The following PRICKLE2 variants were observed in gnomAD, a reference collection of about 807,000 sequenced individuals.
PRICKLE2 encodes the protein prickle planar cell polarity protein 2.
Under a neutral mutation model 81.4 loss-of-function variants are expected in PRICKLE2, and 21 were observed. That is an observed-to-expected ratio of 0.26 (90% confidence interval 0.18 to 0.37). The LOEUF is 0.37. Ranked by LOEUF, PRICKLE2 falls within the 10% of genes least tolerant of loss-of-function variation. PRICKLE2 has a pLI of 1.00. For synonymous variants in PRICKLE2, 456 were observed against 421.5 expected (o/e 1.08, Z -1.00); for missense variants, 940 against 1,109.0 (o/e 0.85, Z 2.16).
At chr3:64,110,684 G>C (rs377320543) in intron 7 of PRICKLE2, among the ~76,000 whole-genome samples, 1 of 152,082 alleles carries the variant, frequency 6.6e-6, no homozygotes, top group Non-Finnish European at 1.5e-5. Context: ...CAGGCAGAGG[G>C]AGCAAGAATA....
chr3:64,109,644 G>A (rs1024394313), intron 7 of PRICKLE2, among the ~76,000 whole-genome samples: 3 of 152,212 alleles, frequency 2.0e-5, no homozygotes, highest in African/African-American at 7.2e-5. Context: ...CCCACCCCCA[G>A]GCTTGGCCTG....
In PRICKLE2 at chr3:64,225,019, A is replaced by C; in HGVS notation, c.-150T>G. On this transcript the variant is annotated 5_prime_UTR_variant, in exon 1 of 8. Transcript: ENST00000638394. ...CCTGGATCTGACTTCTAAGAACGCA[A>C]GCAGGACCTCAGGCAGCCAAAGCAT... 2.0e-6 allele frequency: 2 copies of C among 985,408 alleles called. No homozygotes were observed. Among genetic ancestry groups the C allele is most frequent in the Non-Finnish European group, 2.4e-6 (2 of 830,048 alleles). The allele number at this position is 985,408 out of a possible 1,614,324, so 61.0% of individuals were successfully genotyped here.
At position 64,147,781 on chromosome 3, in the gene PRICKLE2, G is replaced by C. The variant is rs1559539875; in HGVS notation, c.788-79C>G. ...TGGGACGTGAAACACATAGCACCTTGGTTTGTCTCAGGATTCCAGGTGCGG... is the reference window on the plus strand; with the variant it reads ...TGGGACGTGAAACACATAGCACCTTCGTTTGTCTCAGGATTCCAGGTGCGG... On this transcript the variant is annotated intron_variant, in intron 6 of 7. Coordinates refer to ENST00000638394, the MANE Select transcript of PRICKLE2 (RefSeq NM_198859.4). This position sits in a 1 kb window ranked among gnomAD's most constrained non-coding sequence, Gnocchi z 5.0. The C allele has an allele frequency of 6.6e-7, 1 of 1,521,630 alleles. No homozygotes were observed. Among genetic ancestry groups the C allele is most frequent in the Non-Finnish European group, 9.1e-7 (1 of 1,098,776 alleles). 94.3% of individuals were successfully genotyped at this position (1,521,630 alleles called of 1,614,324 possible). A position where few individuals can be genotyped will look rare whatever the true frequency, so the allele number is the denominator to read the frequency against.
At chr3:64,143,931 G>A (rs1032275295) in intron 7 of PRICKLE2, among the ~76,000 whole-genome samples, 3 of 150,432 alleles carry the variant, frequency 2.0e-5, no homozygotes, top group South Asian at 2.1e-4. Flanking sequence ...CAGGCAAGGC[G>A]CTTAGTCACC....
chr3:64,247,271 T>C (rs2079371970), intron 2 of PRICKLE2, among the ~76,000 whole-genome samples: 1 of 152,194 alleles, frequency 6.6e-6, no homozygotes, highest in Non-Finnish European at 1.5e-5. Context: ...ACTTTGATAA[T>C]AGCAACTATT....
chr3:64,126,630 T>A (rs533132465), intron 7 of PRICKLE2, among the ~76,000 whole-genome samples: 2 of 152,108 alleles, frequency 1.3e-5, no homozygotes, highest in East Asian at 3.9e-4. Flanking sequence ...CAGGCTGGAG[T>A]GCAGTTGCAT....
At chr3:64,198,749 C>T (rs372034608) in intron 2 of PRICKLE2, 35 bp downstream of exon 2, 8 of 1,610,904 alleles carry the variant, frequency 5.0e-6, no homozygotes, top group South Asian at 1.1e-5. Context: ...AGTGAAACAC[C>T]CAAACCACCA....
chr3:64,176,537 C>T (rs956468149), intron 2 of PRICKLE2, among the ~76,000 whole-genome samples: 2 of 152,132 alleles, frequency 1.3e-5, no homozygotes, highest in Non-Finnish European at 1.5e-5. Context: ...TTTCAAGTGT[C>T]CAAAGTGATT....
In PRICKLE2 at chr3:64,147,620, T is replaced by C; in HGVS notation, c.870A>G (p.Lys290=). The change falls in exon 7 of 8, where the codon AAA becomes AAG. Residue 290 remains lysine, a synonymous_variant. Coordinates refer to ENST00000638394, the MANE Select transcript of PRICKLE2 (RefSeq NM_198859.4). The surrounding 1 kb of genome is among the most constrained non-coding windows in gnomAD (Gnocchi z 5.0). The part of the protein sequence containing the change: ...ETCFCCAHCK[K]SLLGRPFLPK... ...GGAGGAATGGCCGCCCCAGGAGGGA[T>C]TTCTTGCAGTGAGCACAGCAGAAAC... 1.4e-5 allele frequency: 22 copies of C among 1,614,104 alleles called. No individual in the cohort carries two copies. The highest frequency in any genetic ancestry group is 1.9e-5 in the Non-Finnish European group (22 of 1,180,048).
At chr3:64,185,443 T>C (rs1001495484) in intron 2 of PRICKLE2, among the ~76,000 whole-genome samples, 4 of 152,208 alleles carry the variant, frequency 2.6e-5, no homozygotes, top group Middle Eastern at 3.2e-3. Flanking sequence ...ACTCTAATAA[T>C]TGCCATAGCA....
At chr3:64,232,517 T>C (rs2079120047) in intron 2 of PRICKLE2, among the ~76,000 whole-genome samples, 1 of 152,178 alleles carries the variant, frequency 6.6e-6, no homozygotes, top group African/African-American at 2.4e-5. Context: ...TGCCACATTC[T>C]CCTGCTTTCC....
At position 64,147,370 on chromosome 3, in the gene PRICKLE2, G is replaced by A. The variant is rs1016920348; in HGVS notation, c.1120C>T (p.Leu374=). 28 of 1,614,116 alleles carry A rather than the reference G, an allele frequency of 1.7e-5. No individual in the cohort carries two copies. Among genetic ancestry groups the A allele is most frequent in the Non-Finnish European group, 2.2e-5 (26 of 1,180,056 alleles). ...RLSADVDPLS[L]QMDMLSLSSQ... ...GACAGGCTGAGCATGTCCATCTGCA[G>A]TGACAGGGGGTCTACGTCGGCTGAC... The change falls in exon 7 of 8, where the codon CTG becomes TTG. Residue 374 remains leucine (L), a synonymous_variant. Coordinates refer to ENST00000638394, the MANE Select transcript of PRICKLE2 (RefSeq NM_198859.4). The surrounding 1 kb of genome is among the most constrained non-coding windows in gnomAD (Gnocchi z 5.0).
intron 2 of PRICKLE2, among the ~76,000 whole-genome samples, chr3:64,241,314 G>A (rs1049165688): frequency 6.6e-6 from 1 of 152,116 alleles, no homozygotes; most frequent in African/African-American, 2.4e-5. Flanking sequence ...TCTTTTAGTG[G>A]GGACACATTC....
At chr3:64,237,529 T>A (rs927032703) in intron 2 of PRICKLE2, among the ~76,000 whole-genome samples, 1 of 152,096 alleles carries the variant, frequency 6.6e-6, no homozygotes, top group African/African-American at 2.4e-5. Flanking sequence ...TCTTCTCTCC[T>A]TTCCTGCCAC....
At chr3:64,197,161 T>C (rs2078470690) in intron 2 of PRICKLE2, among the ~76,000 whole-genome samples, 1 of 152,208 alleles carries the variant, frequency 6.6e-6, no homozygotes, top group Non-Finnish European at 1.5e-5. Context: ...GGTCTGTCAT[T>C]GATGGGCATT....
chr3:64,223,673 C>CA (rs1246642659), intron 1 of PRICKLE2, among the ~76,000 whole-genome samples: 6 of 152,142 alleles, frequency 3.9e-5, no homozygotes, highest in Non-Finnish European at 8.8e-5. Flanking sequence ...GATGGAAAGG[C>CA]AAAACCTTTA....
intron 2 of PRICKLE2, among the ~76,000 whole-genome samples, chr3:64,267,714 C>T (rs1168754198): frequency 6.6e-6 from 1 of 152,190 alleles, no homozygotes; most frequent in African/African-American, 2.4e-5. Flanking sequence ...GACACTCAGA[C>T]CCTCAGTTCA....
chr3:64,138,067 A>G (rs774827935), intron 7 of PRICKLE2, among the ~76,000 whole-genome samples: 19 of 151,920 alleles, frequency 1.3e-4, no homozygotes, highest in Non-Finnish European at 2.1e-4. Context: ...TTAAATTCAA[A>G]TATGGTGGGG....
intron 2 of PRICKLE2, among the ~76,000 whole-genome samples, chr3:64,176,360 T>A (rs2078022465): frequency 6.6e-6 from 1 of 152,358 alleles, no homozygotes; most frequent in East Asian, 1.9e-4. Flanking sequence ...CTACATGGTA[T>A]CTTTTCTGTG....
Sources: gnomAD v4.1 joint callset for allele counts (sites outside exome capture counted in the v4.1 genomes callset) on GRCh38, gnomAD v4.1.1 for gene constraint, Gnocchi (gnomAD v3.1) non-coding constraint, MANE v1.5 for transcripts, NCBI Gene and HGNC (gene_info 2026-07-23, HGNC 2026-07-21) for gene names.